EPSTI1: variants seen among roughly 807,000 people sequenced by gnomAD.
The protein encoded by EPSTI1 is epithelial-stromal interaction protein 1.
In EPSTI1, 66 loss-of-function variants were observed where a neutral mutation model predicts 49.9. The ratio of observed to expected loss-of-function variants is 1.32; its 90% CI spans 1.08 to 1.62. EPSTI1 has a LOEUF of 1.62. Ranked by LOEUF, EPSTI1 falls within the 40% of genes most tolerant of loss-of-function variation. EPSTI1 has a pLI of 0.00. For synonymous variants in EPSTI1, 137 were observed against 130.7 expected (o/e 1.05, Z -0.33); for missense variants, 394 against 365.5 (o/e 1.08, Z -0.64).
At chr13:42,929,626 TATTAC>T (rs1192637452) in intron 6 of EPSTI1, among the ~76,000 whole-genome samples, 1 of 152,090 alleles carries the variant, frequency 6.6e-6, no homozygotes, top group Admixed American at 6.5e-5. Flanking sequence ...CATTGACAAA[TATTAC>T]ATACCAGGAC....
At position 42,926,396 on chromosome 13, in the gene EPSTI1, T is replaced by G; in HGVS notation, c.597A>C (p.Thr199=). 2 of 1,613,802 alleles carry G rather than the reference T, an allele frequency of 1.2e-6. No homozygotes were observed. The highest frequency in any genetic ancestry group is 4.5e-5 in the East Asian group (2 of 44,888). The change falls in exon 7 of 11, where the codon ACA becomes ACC. Residue 199 remains threonine (T), a synonymous_variant. Transcript: ENST00000313624. ...GACAGGCACTTCTGTCTGGCGATTC[T>G]GTGTTCAGTTTGCTCAAGAACTCAG... The part of the protein sequence containing the change: ...KTAEFLSKLN[T]ESPDRSACQS...
chr13:42,955,885 G>T (rs997202077), intron 5 of EPSTI1, among the ~76,000 whole-genome samples: 8 of 142,888 alleles, frequency 5.6e-5, no homozygotes, highest in African/African-American at 2.1e-4. Context: ...TTTGGGGGGG[G>T]GGGGAAGTAG....
At chr13:42,919,818 T>G (rs900443180) in intron 7 of EPSTI1, among the ~76,000 whole-genome samples, 1 of 152,214 alleles carries the variant, frequency 6.6e-6, no homozygotes, top group Non-Finnish European at 1.5e-5. Context: ...AAAATAGCAG[T>G]GCATGAGTTT....
chr13:42,979,318 C>T (rs999836817), intron 1 of EPSTI1, among the ~76,000 whole-genome samples: 5 of 152,184 alleles, frequency 3.3e-5, no homozygotes, highest in Non-Finnish European at 5.9e-5. Flanking sequence ...GTGGCTTATG[C>T]CTGTAATCCC....
chr13:42,911,877 T>G (rs1054481178), intron 8 of EPSTI1, among the ~76,000 whole-genome samples: 1 of 152,214 alleles, frequency 6.6e-6, no homozygotes, highest in South Asian at 2.1e-4. Flanking sequence ...ATCAGATGCT[T>G]AATTCATTTC....
At chr13:42,935,893 A>T (rs562808852) in intron 6 of EPSTI1, among the ~76,000 whole-genome samples, 1 of 152,138 alleles carries the variant, frequency 6.6e-6, no homozygotes, top group Admixed American at 6.5e-5. Context: ...TGCCCGGCCC[A>T]CTCATGAATT....
intron 1 of EPSTI1, among the ~76,000 whole-genome samples, chr13:42,983,426 T>A (rs916333188): frequency 6.6e-6 from 1 of 152,066 alleles, no homozygotes; most frequent in Non-Finnish European, 1.5e-5. Flanking sequence ...TAGCCAGGCA[T>A]GGTGGTGGAC....
intron 8 of EPSTI1, among the ~76,000 whole-genome samples, chr13:42,907,631 T>C (rs560886194): frequency 6.6e-6 from 1 of 152,352 alleles, no homozygotes; most frequent in East Asian, 1.9e-4. Flanking sequence ...AAGTTCTCCT[T>C]ACCCCAACAA....
At chr13:42,941,934 G>A (rs753448424) in intron 6 of EPSTI1, among the ~76,000 whole-genome samples, 1 of 151,958 alleles carries the variant, frequency 6.6e-6, no homozygotes, top group South Asian at 2.1e-4. Context: ...GGTTCACTTG[G>A]TCTGTTAATT....
intron 6 of EPSTI1, 78 bp from the exon 7 acceptor site, chr13:42,926,507 C>A: frequency 1.2e-6 from 1 of 828,684 alleles, no homozygotes; most frequent in East Asian, 2.4e-5. Context: ...TGGATACTAA[C>A]CTAGACTTAT....
intron 6 of EPSTI1, among the ~76,000 whole-genome samples, chr13:42,950,258 G>T (rs563069061): frequency 6.6e-6 from 1 of 152,230 alleles, no homozygotes; most frequent in South Asian, 2.1e-4. Context: ...AATTTTTAGG[G>T]AAAAGACAGT....
At chr13:42,912,415 G>A (rs886369948) in intron 8 of EPSTI1, among the ~76,000 whole-genome samples, 2 of 152,142 alleles carry the variant, frequency 1.3e-5, no homozygotes, top group Admixed American at 6.5e-5. Flanking sequence ...TGGGCTCAGG[G>A]AAACAGGGCA....
At chr13:42,953,794 CCTTA>C (rs1197005678) in intron 6 of EPSTI1, among the ~76,000 whole-genome samples, 150 bp downstream of exon 6, 5 of 152,196 alleles carry the variant, frequency 3.3e-5, no homozygotes, top group Non-Finnish European at 7.3e-5. Flanking sequence ...GTCTCTCCCA[CCTTA>C]CTTACATGGT....
intron 6 of EPSTI1, among the ~76,000 whole-genome samples, chr13:42,935,645 G>A (rs949571130): frequency 2.0e-5 from 3 of 152,152 alleles, no homozygotes; most frequent in African/African-American, 7.2e-5. Flanking sequence ...AGGCTGGAGT[G>A]TAACGGCGTG....
intron 1 of EPSTI1, among the ~76,000 whole-genome samples, chr13:42,987,004 C>A (rs2153436789): frequency 6.6e-6 from 1 of 152,278 alleles, no homozygotes; most frequent in Non-Finnish European, 1.5e-5. Flanking sequence ...ATGCCTTACG[C>A]ATCTCTTCCA....
chr13:42,981,024 G>A (rs530794286), intron 1 of EPSTI1, among the ~76,000 whole-genome samples: 60 of 152,162 alleles, frequency 3.9e-4, no homozygotes, highest in African/African-American at 1.4e-3. Flanking sequence ...AACAAACAAT[G>A]GGCAATACTA....
chr13:42,894,633 A>T (rs1430569807), intron 10 of EPSTI1, among the ~76,000 whole-genome samples: 1 of 151,640 alleles, frequency 6.6e-6, no homozygotes, highest in South Asian at 2.1e-4. Flanking sequence ...CTGAAAGAAT[A>T]TATTACTAGA....
Position 42,886,988 on chromosome 13 carries a change from C to CACA in EPSTI1, c.*1503_*1505dup, listed in dbSNP as rs3041145. ...CCAAGCATAGACGCAAAAATCGGAA[C>CACA]ACAACTGTAAGGTAGCCAGGCTGGC... is the stretch of plus-strand genomic sequence containing the variant. On this transcript the variant is annotated 3_prime_UTR_variant, in exon 11 of 11. Coordinates refer to ENST00000313624, the MANE Select transcript of EPSTI1 (RefSeq NM_033255.5). The CACA allele has an allele frequency of 0.39, 58,476 of 151,552 alleles. 11,744 individuals are homozygous for CACA. Among genetic ancestry groups the CACA allele is most frequent in the African/African-American group, 0.5 (20,444 of 41,236 alleles). The allele number at this position is 151,552 out of a possible 1,614,324, so 9.4% of individuals were successfully genotyped here.
chr13:42,941,738 T>A (rs2038758001), intron 6 of EPSTI1, among the ~76,000 whole-genome samples: 1 of 151,526 alleles, frequency 6.6e-6, no homozygotes. Context: ...GGGGTGTTTT[T>A]TTTTTGGAGG....
Sources: allele counts gnomAD v4.1 joint callset (sites outside exome capture counted in the v4.1 genomes callset), GRCh38; gene constraint gnomAD v4.1.1; transcripts MANE v1.5; gene names NCBI Gene and HGNC (gene_info 2026-07-23, HGNC 2026-07-21).